The following SLC8A1 variants were observed in gnomAD, a reference collection of about 807,000 sequenced individuals.
The protein encoded by SLC8A1 is sodium/calcium exchanger 1.
SLC8A1 carries 18 observed loss-of-function variants against 68.3 expected under a neutral mutation model. That is an observed-to-expected ratio of 0.26 (90% CI 0.18 to 0.39). The LOEUF is 0.39. Ranked by LOEUF, SLC8A1 falls within the 10% of genes least tolerant of loss-of-function variation. The pLI, the probability that SLC8A1 is intolerant of heterozygous loss-of-function variation, is 1.00. For missense variants in SLC8A1, 985 were observed against 1,156.7 expected, an observed-to-expected ratio of 0.85 and a Z score of 2.15; for synonymous variants, 475 against 415.5, an observed-to-expected ratio of 1.14 and a Z score of -1.74.
At chr2:40,225,967 C>G (rs2058925735) in intron 2 of SLC8A1, among the ~76,000 whole-genome samples, 1 of 152,132 alleles carries the variant, frequency 6.6e-6, no homozygotes, top group African/African-American at 2.4e-5. Context: ...TTGGTGAGCT[C>G]CACTAGCTTA....
chr2:40,337,854 T>G (rs970611783), intron 2 of SLC8A1, among the ~76,000 whole-genome samples: 1 of 152,204 alleles, frequency 6.6e-6, no homozygotes, highest in African/African-American at 2.4e-5. Context: ...TCTTTTTCAC[T>G]GTCAGTTCTA....
chr2:40,239,907 C>T lies in SLC8A1; in HGVS notation c.1809-62052G>A, dbSNP rs73926132. Among the ~76,000 whole-genome samples the T allele has an allele frequency of 3.0e-3, 452 of 152,266 alleles. 4 individuals carry two copies. The highest frequency in any genetic ancestry group is 0.01 in the African/African-American group (417 of 41,552). ...ACTTCTTTTACCCATGGAAACCGAA[C>T]GAATATCTTAATGTAAGAAGAGTAG... On this transcript the variant is annotated intron_variant, in intron 2 of 7. Transcript: ENST00000406785.
chr2:40,360,388 T>C (rs10177254), intron 2 of SLC8A1, among the ~76,000 whole-genome samples: 11,854 of 152,208 alleles, frequency 0.078, 1,464 homozygotes, highest in African/African-American at 0.26. Flanking sequence ...AAAATAGAAT[T>C]AGGCATAGTT....
intron 2 of SLC8A1, among the ~76,000 whole-genome samples, chr2:40,271,821 C>A (rs893467964): frequency 1.3e-4 from 20 of 152,004 alleles, no homozygotes; most frequent in Admixed American, 1.1e-3. Context: ...ATTTTCTTTC[C>A]GGAGTCAACT....
chr2:40,114,611 A>T (rs1054567232), exon 8 of SLC8A1: 1 of 152,758 alleles, frequency 6.5e-6, no homozygotes, highest in South Asian at 2.1e-4. Flanking sequence ...TTCTAGAACC[A>T]TCGGATTTCC....
intron 2 of SLC8A1, among the ~76,000 whole-genome samples, chr2:40,374,611 C>T (rs1458081340): frequency 6.6e-6 from 1 of 151,892 alleles, no homozygotes; most frequent in Non-Finnish European, 1.5e-5. Context: ...AGTTATTACC[C>T]AAATCCAGCT....
intron 6 of SLC8A1, among the ~76,000 whole-genome samples, chr2:40,146,639 G>C (rs2888656): frequency 1.3e-5 from 2 of 151,420 alleles, no homozygotes; most frequent in African/African-American, 4.9e-5. Context: ...GGGATGGGAG[G>C]CAGTGAAAGA....
In SLC8A1 at chr2:40,472,184, A is replaced by G. The variant is rs61120961; in HGVS notation, c.-25+40165T>C. On this transcript the variant is annotated intron_variant, in intron 1 of 7. Coordinates refer to the SLC8A1 transcript ENST00000402441. ...TATGACAACCTTGCAGTAAACTTAC[A>G]CACGCATATTGTGGAGTAAAGAAAA... is the stretch of plus-strand genomic sequence containing the variant. Among the ~76,000 whole-genome samples the G allele has an allele frequency of 7.3e-3, 1,117 of 152,314 alleles. 16 individuals are homozygous for G. Among genetic ancestry groups the G allele is most frequent in the African/African-American group, 0.025 (1,055 of 41,576 alleles).
chr2:40,492,566 A>T (rs561109785), intron 1 of SLC8A1, among the ~76,000 whole-genome samples: 2 of 150,966 alleles, frequency 1.3e-5, no homozygotes, highest in South Asian at 4.2e-4. Context: ...CAACCTACAA[A>T]ATTGGAGAAA....
At chr2:40,424,497 G>C (rs934506392) in intron 2 of SLC8A1, among the ~76,000 whole-genome samples, 2 of 151,670 alleles carry the variant, frequency 1.3e-5, no homozygotes, top group Admixed American at 6.6e-5. Context: ...TTTCCAAAAA[G>C]AGTAAAATGT....
intron 2 of SLC8A1, among the ~76,000 whole-genome samples, chr2:40,394,219 A>G (rs907949393): frequency 1.3e-5 from 2 of 152,054 alleles, no homozygotes; most frequent in Non-Finnish European, 2.9e-5. Context: ...ATTAAGAACT[A>G]TGTGTCCAAC....
intron 2 of SLC8A1, among the ~76,000 whole-genome samples, chr2:40,180,701 C>T (rs2049351156): frequency 6.6e-6 from 1 of 152,202 alleles, no homozygotes; most frequent in African/African-American, 2.4e-5. Flanking sequence ...TACTTAAAAA[C>T]ATCTGACGTT....
At chr2:40,289,109 T>C (rs1172587626) in intron 2 of SLC8A1, among the ~76,000 whole-genome samples, 2 of 152,010 alleles carry the variant, frequency 1.3e-5, no homozygotes, top group Non-Finnish European at 2.9e-5. Flanking sequence ...CTTTTTTTTT[T>C]CAGTCAAATG....
At chr2:40,287,043 T>C (rs563545242) in intron 2 of SLC8A1, among the ~76,000 whole-genome samples, 2 of 152,220 alleles carry the variant, frequency 1.3e-5, no homozygotes, top group Admixed American at 1.3e-4. Flanking sequence ...GAGTAACAGG[T>C]CACCTACCTC....
At chr2:40,127,261 T>C (rs2038313933) in intron 7 of SLC8A1, among the ~76,000 whole-genome samples, 1 of 152,210 alleles carries the variant, frequency 6.6e-6, no homozygotes, top group Non-Finnish European at 1.5e-5. Flanking sequence ...AGGATAAGAA[T>C]ACTTGACATA....
At chr2:40,373,459 C>G (rs1678802759) in intron 2 of SLC8A1, among the ~76,000 whole-genome samples, 1 of 152,086 alleles carries the variant, frequency 6.6e-6, no homozygotes. Flanking sequence ...CAGTCACCCT[C>G]TTTCCCCTTC....
chr2:40,244,263 A>G (rs1456602612), intron 2 of SLC8A1, among the ~76,000 whole-genome samples: 4 of 152,158 alleles, frequency 2.6e-5, no homozygotes, highest in Admixed American at 2.6e-4. Context: ...GTCAGTGCAC[A>G]TGAAGAGACC....
chr2:40,113,428 A>G (rs536227053), exon 8 of SLC8A1: 16 of 152,868 alleles, frequency 1.0e-4, no homozygotes, highest in Non-Finnish European at 1.5e-4. Flanking sequence ...TTTAACATAG[A>G]AACAGCTATT....
intron 2 of SLC8A1, among the ~76,000 whole-genome samples, chr2:40,408,757 C>T (rs17025946): frequency 0.079 from 12,087 of 152,068 alleles, 1,362 homozygotes; most frequent in African/African-American, 0.26. Context: ...TTAAAACTCA[C>T]GAGTATGGTC....
Sources: allele counts gnomAD v4.1 joint callset (sites outside exome capture counted in the v4.1 genomes callset), GRCh38; gene constraint gnomAD v4.1.1; transcripts MANE v1.5; gene names NCBI Gene and HGNC (gene_info 2026-07-23, HGNC 2026-07-21).